The following LSM8 variants were observed in gnomAD, a reference collection of about 807,000 sequenced individuals.
LSM8 encodes LSM8 homolog, U6 small nuclear RNA associated, also known as LSM8 U6 small nuclear RNA associated.
In LSM8, 14 loss-of-function variants were observed where a neutral mutation model predicts 15.0. The ratio of observed to expected loss-of-function variants is 0.93; its 90% confidence interval spans 0.62 to 1.46. LSM8 has a LOEUF of 1.46. LSM8 is among the 40% of genes most tolerant of loss of function. The probability of loss-of-function intolerance (pLI) is 0.00; values close to 1 mark genes in which losing one functional copy is unlikely to be tolerated. For missense variants in LSM8, 90 were observed against 115.4 expected (o/e 0.78, Z 1.01); for synonymous variants, 50 against 42.1 (o/e 1.19, Z -0.73).
chr7:118,202,300 G>T lies in LSM8; in HGVS notation c.*10298G>T, dbSNP rs1809183647. On this transcript the variant is annotated 3_prime_UTR_variant, in exon 4 of 4. Transcript: ENST00000249299. ...GCTATAAGCACTGGAAACTCTGACTGCCAGTGGCTTTAACAGGCAGGAGGA... is the reference window on the plus strand; with the variant it reads ...GCTATAAGCACTGGAAACTCTGACTTCCAGTGGCTTTAACAGGCAGGAGGA... Among the ~76,000 whole-genome samples the T allele has an allele frequency of 6.6e-6, 1 of 151,976 alleles. No individual in the cohort carries two copies. The highest frequency in any genetic ancestry group is 6.6e-5 in the Admixed American group (1 of 15,218).
In LSM8 at chr7:118,201,232, C is replaced by G. The variant is rs756091408; in HGVS notation, c.*9230C>G. On this transcript the variant is annotated 3_prime_UTR_variant, in exon 4 of 4. Coordinates refer to ENST00000249299, the MANE Select transcript of LSM8 (RefSeq NM_016200.5). ...TATCACAGAATTTTGAACTAAAGAT[C>G]ATCTAGCTGAATTTCCTTTATATTA... Among the ~76,000 whole-genome samples, 1 of 152,000 alleles carries G rather than the reference C, an allele frequency of 6.6e-6. No homozygotes were observed. Among genetic ancestry groups the G allele is most frequent in the African/African-American group, 2.4e-5 (1 of 41,394 alleles).
Position 118,200,473 on chromosome 7 carries a change from T to C in LSM8, c.*8471T>C, listed in dbSNP as rs1809154104. On this transcript the variant is annotated 3_prime_UTR_variant, in exon 4 of 4. Transcript: ENST00000249299. ...ATCTGGAATCTTAATTACCATTAGG[T>C]TGGAACTCTACCTGAACTAAAAATA... Among the ~76,000 whole-genome samples the C allele has an allele frequency of 6.6e-6, 1 of 152,152 alleles. No homozygotes were observed. Among genetic ancestry groups the C allele is most frequent in the East Asian group, 1.9e-4 (1 of 5,204 alleles).
chr7:118,191,250 A>G (rs1808975728), intron 3 of LSM8: 1 of 152,188 alleles, frequency 6.6e-6, no homozygotes, highest in Non-Finnish European at 1.5e-5. Flanking sequence ...TGGGTTGGTT[A>G]TCTAGCGTGG....
chr7:118,186,745 C>T (rs1174723359), intron 2 of LSM8, among the ~76,000 whole-genome samples: 1 of 152,218 alleles, frequency 6.6e-6, no homozygotes, highest in Non-Finnish European at 1.5e-5. Context: ...AAAGCCAAGG[C>T]CAGTTGCCTG....
At chr7:118,191,840 TGATTAGTAA>T (rs1448355585) in intron 3 of LSM8, 63 bp from the exon 4 acceptor site, 1 of 1,176,400 alleles carries the variant, frequency 8.5e-7, no homozygotes, top group Non-Finnish European at 1.2e-6. Flanking sequence ...TGCTTTGATT[TGATTAGTAA>T]GATTTTTGAA....
In LSM8 at chr7:118,201,677, A is replaced by G. The variant is rs553720487; in HGVS notation, c.*9675A>G. On this transcript the variant is annotated 3_prime_UTR_variant, in exon 4 of 4. Coordinates refer to ENST00000249299, the MANE Select transcript of LSM8 (RefSeq NM_016200.5). ...ACCTTTTACTGCAAAAATAAAAATG[A>G]GTTTATCCTTGCCCTAAAGCTGTAA... 3.4e-4 allele frequency among the ~76,000 whole-genome samples: 51 copies of G among 152,228 alleles called. No individual in the cohort carries two copies. Among genetic ancestry groups the G allele is most frequent in the Admixed American group, 1.3e-3 (20 of 15,248 alleles).
Position 118,200,323 on chromosome 7 carries a change from A to C in LSM8, c.*8321A>C, listed in dbSNP as rs1045485334. ...GCTCTCTAGAGGCAGAACTTGCTGA[A>C]TTTGAAGACTATTAATGATGCAGCT... On this transcript the variant is annotated 3_prime_UTR_variant, in exon 4 of 4. Transcript: ENST00000249299. 1.3e-5 allele frequency among the ~76,000 whole-genome samples: 2 copies of C among 152,108 alleles called. No homozygotes were observed. The highest frequency in any genetic ancestry group is 2.9e-5 in the Non-Finnish European group (2 of 68,010).
rs865985162 is a variant in LSM8 at position 118,203,103 on chromosome 7, G to A, written c.*11101G>A. 6.6e-6 allele frequency among the ~76,000 whole-genome samples: 1 copy of A among 151,770 alleles called. No individual in the cohort carries two copies. Among genetic ancestry groups the A allele is most frequent in the South Asian group, 2.1e-4 (1 of 4,820 alleles). ...CCATTTATAGAACGTTCTATCCCAA[G>A]ACATCAGAATATATATTCTTTTTAA... is the stretch of plus-strand genomic sequence containing the variant. On this transcript the variant is annotated 3_prime_UTR_variant, in exon 4 of 4. Coordinates refer to ENST00000249299, the MANE Select transcript of LSM8 (RefSeq NM_016200.5).
rs1809194848 is a variant in LSM8 at position 118,203,097 on chromosome 7, T to G, written c.*11095T>G. ...TAACTGCCATTTATAGAACGTTCTA[T>G]CCCAAGACATCAGAATATATATTCT... On this transcript the variant is annotated 3_prime_UTR_variant, in exon 4 of 4. Coordinates refer to ENST00000249299, the MANE Select transcript of LSM8 (RefSeq NM_016200.5). Among the ~76,000 whole-genome samples the G allele has an allele frequency of 1.3e-5, 2 of 151,902 alleles. No individual in the cohort carries two copies. The highest frequency in any genetic ancestry group is 4.8e-5 in the African/African-American group (2 of 41,416).
rs1003217587 is a variant in LSM8 at position 118,197,337 on chromosome 7, T to C, written c.*5335T>C. 2.6e-5 allele frequency among the ~76,000 whole-genome samples: 4 copies of C among 151,996 alleles called. No homozygotes were observed. The highest frequency in any genetic ancestry group is 9.7e-5 in the African/African-American group (4 of 41,384). On this transcript the variant is annotated 3_prime_UTR_variant, in exon 4 of 4. Transcript: ENST00000249299. ...GAGACAACTCCAGGGACACAATACATTGTGTCTTGTATTAAAAACTAGTGT... is the reference window on the plus strand; with the variant it reads ...GAGACAACTCCAGGGACACAATACACTGTGTCTTGTATTAAAAACTAGTGT...
At chr7:118,187,886 G>A (rs1808913756) in intron 2 of LSM8, among the ~76,000 whole-genome samples, 1 of 152,174 alleles carries the variant, frequency 6.6e-6, no homozygotes. Context: ...GCTGTAGTTG[G>A]TATGTATGGT....
chr7:118,194,935 C>T lies in LSM8; in HGVS notation c.*2933C>T, dbSNP rs1053235960. Among the ~76,000 whole-genome samples, 6 of 152,070 alleles carry T rather than the reference C, an allele frequency of 3.9e-5. No individual in the cohort carries two copies. Among genetic ancestry groups the T allele is most frequent in the Non-Finnish European group, 8.8e-5 (6 of 67,994 alleles). On this transcript the variant is annotated 3_prime_UTR_variant, in exon 4 of 4. Coordinates refer to ENST00000249299, the MANE Select transcript of LSM8 (RefSeq NM_016200.5). ...GGGTCAAGTGACTTGTAAGAGGTAG[C>T]ACTAGTAAGTAACAGTGCTCAAATT...
chr7:118,194,080 C>G lies in LSM8; in HGVS notation c.*2078C>G, dbSNP rs1184873164. On this transcript the variant is annotated 3_prime_UTR_variant, in exon 4 of 4. Transcript: ENST00000249299. ...ACATGGTGGACTGTTTTCTCACAACCGATTAAAATTGGATTTATTTTTGCA... is the reference window on the plus strand; with the variant it reads ...ACATGGTGGACTGTTTTCTCACAACGGATTAAAATTGGATTTATTTTTGCA... Among the ~76,000 whole-genome samples the G allele has an allele frequency of 6.6e-6, 1 of 151,914 alleles. No homozygotes were observed. Among genetic ancestry groups the G allele is most frequent in the African/African-American group, 2.4e-5 (1 of 41,376 alleles).
At chr7:118,185,917 C>T (rs981341586) in intron 2 of LSM8, among the ~76,000 whole-genome samples, 1 of 152,000 alleles carries the variant, frequency 6.6e-6, no homozygotes, top group Non-Finnish European at 1.5e-5. Context: ...ATAGATTCTG[C>T]CCTCAGAGAG....
At position 118,197,136 on chromosome 7, in the gene LSM8, TTCTC is replaced by T. The variant is rs990215994; in HGVS notation, c.*5138_*5141del. The stretch of plus-strand genomic sequence containing the variant: ...TGTCCCTACAAGGATATGATACGCT[TTCTC>T]TCTTCTCTTTAGGGTAATGTTCAAT... On this transcript the variant is annotated 3_prime_UTR_variant, in exon 4 of 4. Transcript: ENST00000249299. Among the ~76,000 whole-genome samples the T allele has an allele frequency of 3.3e-5, 5 of 152,124 alleles. 1 individual carries two copies. Among genetic ancestry groups the T allele is most frequent in the Admixed American group, 2.0e-4 (3 of 15,260 alleles).
At chr7:118,191,777 A>T in intron 3 of LSM8, 135 bp from the exon 4 acceptor site, 1 of 638,932 alleles carries the variant, frequency 1.6e-6, no homozygotes, top group Non-Finnish European at 2.7e-6. Flanking sequence ...TTTTTACCTT[A>T]ATTCTTTTTA....
At position 118,194,006 on chromosome 7, in the gene LSM8, T is replaced by A. The variant is rs1055882; in HGVS notation, c.*2004T>A. ...TTATGAATAGTTACAGAGGATGTGA[T>A]GACAATATGCCAGATAATCTATGTA... is the stretch of plus-strand genomic sequence containing the variant. On this transcript the variant is annotated 3_prime_UTR_variant, in exon 4 of 4. Transcript: ENST00000249299. Among the ~76,000 whole-genome samples, 1,847 of 152,256 alleles carry A rather than the reference T, an allele frequency of 0.012. 37 individuals carry two copies. The highest frequency in any genetic ancestry group is 0.041 in the African/African-American group (1,722 of 41,558).
chr7:118,191,839 T>C, intron 3 of LSM8, 73 bp from the exon 4 acceptor site: 1 of 1,169,388 alleles, frequency 8.6e-7, no homozygotes, highest in Non-Finnish European at 1.3e-6. Flanking sequence ...GTGCTTTGAT[T>C]TGATTAGTAA....
At position 118,201,967 on chromosome 7, in the gene LSM8, G is replaced by C. The variant is rs988608463; in HGVS notation, c.*9965G>C. Reference sequence around the variant, plus strand: ...TGTGAATCTGCATGGCATAAATCAAGTCTCTAGATCCTGATCACTTCTATG... The same window carrying C: ...TGTGAATCTGCATGGCATAAATCAACTCTCTAGATCCTGATCACTTCTATG... On this transcript the variant is annotated 3_prime_UTR_variant, in exon 4 of 4. Transcript: ENST00000249299. Among the ~76,000 whole-genome samples the C allele has an allele frequency of 2.0e-5, 3 of 152,120 alleles. No homozygotes were observed. In the South Asian group the frequency reaches 6.2e-4, roughly 32 times the overall value.
Sources: allele counts gnomAD v4.1 joint callset (sites outside exome capture counted in the v4.1 genomes callset), GRCh38; gene constraint gnomAD v4.1.1; transcripts MANE v1.5; gene names NCBI Gene and HGNC (gene_info 2026-07-23, HGNC 2026-07-21).